SVOP: variants seen among roughly 807,000 people sequenced by gnomAD.
The protein encoded by SVOP is synaptic vesicle 2-related protein.
A neutral mutation model predicts 69.1 loss-of-function variants in SVOP; 17 were observed. The ratio of observed to expected loss-of-function variants is 0.25; its 90% confidence interval spans 0.17 to 0.37. The LOEUF (loss-of-function observed/expected upper bound fraction) is 0.37. Among genes scored for constraint, SVOP ranks in the 10% least tolerant of loss-of-function variants. The pLI, the probability that SVOP is intolerant of heterozygous loss-of-function variation, is 1.00. For synonymous variants in SVOP, 238 were observed against 238.6 expected, an observed-to-expected ratio of 1.00 and a Z score of 0.02; for missense variants, 435 against 597.5, an observed-to-expected ratio of 0.73 and a Z score of 2.84.
chr12:108,923,888 C>G (rs543251766), intron 11 of SVOP, among the ~76,000 whole-genome samples: 1 of 152,256 alleles, frequency 6.6e-6, no homozygotes, highest in African/African-American at 2.4e-5. Flanking sequence ...TGCTCCCTTC[C>G]TGACCTTGCT....
intron 5 of SVOP, among the ~76,000 whole-genome samples, chr12:108,971,906 G>A (rs1353420011): frequency 6.6e-6 from 1 of 151,890 alleles, no homozygotes; most frequent in Non-Finnish European, 1.5e-5. Context: ...ATACAAAAAT[G>A]AGCTGGGTGT....
chr12:108,940,688 T>C, intron 8 of SVOP, 96 bp downstream of exon 8: 2 of 1,463,602 alleles, frequency 1.4e-6, no homozygotes, highest in Admixed American at 2.2e-5. Flanking sequence ...TCTTGAAAGG[T>C]GGCTTTGGTA....
intron 13 of SVOP, 115 bp from the exon 14 acceptor site, chr12:108,918,239 C>T (rs989658350): frequency 2.9e-6 from 2 of 688,082 alleles, no homozygotes; most frequent in African/African-American, 3.7e-5. Context: ...TTACCCCTCC[C>T]CGATGCTCAT....
chr12:108,982,660 GATCACCATCATTATC>G (rs2040143904), intron 2 of SVOP, among the ~76,000 whole-genome samples: 1 of 85,670 alleles, frequency 1.2e-5, no homozygotes, highest in African/African-American at 5.0e-5. Flanking sequence ...CCATCATCAT[GATCACCATCATTATC>G]ATCACCATCA....
In SVOP at chr12:108,969,476, C is replaced by A. The variant is rs187189194; in HGVS notation, c.453+2929G>T. ...GGCTCCTGAGTAGCTTACAGGCATG[C>A]GCCACCATGCCTGGCTAATTTTGTA... On this transcript the variant is annotated intron_variant, in intron 5 of 15. Transcript: ENST00000610966. 3.6e-3 allele frequency among the ~76,000 whole-genome samples: 543 copies of A among 151,370 alleles called. 7 individuals carry two copies. Among genetic ancestry groups the A allele is most frequent in the African/African-American group, 0.012 (495 of 41,276 alleles).
intron 4 of SVOP, among the ~76,000 whole-genome samples, chr12:108,974,366 A>G (rs1215030207): frequency 6.6e-6 from 1 of 152,216 alleles, no homozygotes; most frequent in African/African-American, 2.4e-5. Context: ...ATTGTGTACT[A>G]CTAAAAATTA....
At chr12:108,926,191 A>T (rs1354120477) in intron 11 of SVOP, among the ~76,000 whole-genome samples, 1 of 152,134 alleles carries the variant, frequency 6.6e-6, no homozygotes, top group East Asian at 1.9e-4. Flanking sequence ...AATTGCTGGT[A>T]TTACAGGTGT....
At chr12:108,979,270 C>T (rs887075585) in intron 2 of SVOP, among the ~76,000 whole-genome samples, 1 of 152,126 alleles carries the variant, frequency 6.6e-6, no homozygotes, top group Non-Finnish European at 1.5e-5. Context: ...GACAGTGTCT[C>T]GCTCTGTTGC....
chr12:108,919,474 C>T (rs1183644130), intron 13 of SVOP, among the ~76,000 whole-genome samples: 1 of 152,014 alleles, frequency 6.6e-6, no homozygotes, highest in Non-Finnish European at 1.5e-5. Context: ...TGGGTCTGCA[C>T]CCATACCTGG....
At chr12:108,971,183 C>A (rs1278676952) in intron 5 of SVOP, among the ~76,000 whole-genome samples, 1 of 152,058 alleles carries the variant, frequency 6.6e-6, no homozygotes, top group Non-Finnish European at 1.5e-5. Flanking sequence ...AATCTCAGCA[C>A]TTTGGGAGGC....
intron 1 of SVOP, among the ~76,000 whole-genome samples, chr12:108,994,421 G>T (rs962066547): frequency 1.3e-5 from 2 of 152,152 alleles, no homozygotes; most frequent in African/African-American, 4.8e-5. Flanking sequence ...TTGAACCCGG[G>T]AGGCAGAGGT....
intron 1 of SVOP, among the ~76,000 whole-genome samples, chr12:108,987,826 T>C (rs963616223): frequency 1.2e-4 from 18 of 152,244 alleles, no homozygotes; most frequent in African/African-American, 9.6e-5. Flanking sequence ...ATTCTGGATA[T>C]AGATCCCTTA....
chr12:108,919,886 G>A, intron 12 of SVOP, 100 bp from the exon 13 acceptor site: 2 of 761,050 alleles, frequency 2.6e-6, no homozygotes, highest in South Asian at 3.4e-5. Flanking sequence ...CTGGAGGGTG[G>A]ACTAGACTTA....
At chr12:108,952,670 C>A (rs1452473948) in intron 6 of SVOP, among the ~76,000 whole-genome samples, 1 of 152,060 alleles carries the variant, frequency 6.6e-6, no homozygotes, top group African/African-American at 2.4e-5. Flanking sequence ...GACCGCCCAC[C>A]CTGTGCCCTG....
Position 108,925,016 on chromosome 12 carries a change from CTTT to C in SVOP, c.1049-2222_1049-2220del, listed in dbSNP as rs369350922. Among the ~76,000 whole-genome samples the C allele has an allele frequency of 5.1e-3, 748 of 147,472 alleles. 3 individuals carry two copies. Among genetic ancestry groups the C allele is most frequent in the African/African-American group, 0.018 (715 of 40,346 alleles). The stretch of plus-strand genomic sequence containing the variant: ...ACCTCAAGTTTTTGAAAAAGCCTTC[CTTT>C]TTTTTTTTACCAATTACAAATCAAA... On this transcript the variant is annotated intron_variant, in intron 11 of 15. Coordinates refer to ENST00000610966, the MANE Select transcript of SVOP (RefSeq NM_018711.5).
intron 9 of SVOP, 40 bp downstream of exon 9, chr12:108,938,787 C>T (rs761529468): frequency 5.6e-6 from 9 of 1,613,362 alleles, no homozygotes; most frequent in East Asian, 2.2e-5. Flanking sequence ...GCATGCACCC[C>T]GATACGCACA....
chr12:108,972,576 G>A (rs2040085667), intron 4 of SVOP, 100 bp from the exon 5 acceptor site: 2 of 1,210,026 alleles, frequency 1.7e-6, no homozygotes, highest in African/African-American at 1.5e-5. Context: ...CTAGGTAACA[G>A]CAATGATCTA....
Position 108,973,767 on chromosome 12 carries a change from G to A in SVOP, c.382-1291C>T, listed in dbSNP as rs151226234. On this transcript the variant is annotated intron_variant, in intron 4 of 15. Coordinates refer to ENST00000610966, the MANE Select transcript of SVOP (RefSeq NM_018711.5). ...TCCCTACAGATTCTTTCTCAAGAAC[G>A]AGTTAGGAGTCTTCTTCTCCATTTC... is the stretch of plus-strand genomic sequence containing the variant. 4.1e-3 allele frequency among the ~76,000 whole-genome samples: 624 copies of A among 152,188 alleles called. 7 individuals are homozygous for A. The highest frequency in any genetic ancestry group is 0.014 in the African/African-American group (594 of 41,514).
intron 1 of SVOP, among the ~76,000 whole-genome samples, chr12:109,014,910 G>C (rs1281187857): frequency 2.0e-5 from 3 of 152,090 alleles, no homozygotes; most frequent in Non-Finnish European, 4.4e-5. Flanking sequence ...TTTTGGTAGA[G>C]ACGGGGTCTT....
Sources: gnomAD v4.1 joint callset for allele counts (sites outside exome capture counted in the v4.1 genomes callset) on GRCh38, gnomAD v4.1.1 for gene constraint, MANE v1.5 for transcripts, NCBI Gene and HGNC (gene_info 2026-07-23, HGNC 2026-07-21) for gene names.